GPM6B: variants seen among roughly 807,000 people sequenced by gnomAD.
The protein encoded by GPM6B is glycoprotein M6B, also known as neuronal membrane glycoprotein M6-b.
In GPM6B, 4 loss-of-function variants were observed where a neutral mutation model predicts 27.2. The ratio of observed to expected loss-of-function variants is 0.15; its 90% CI spans 0.07 to 0.34. The LOEUF (loss-of-function observed/expected upper bound fraction) is 0.34, where lower values mean the gene tolerates loss of function less well. Among genes scored for constraint, GPM6B ranks in the 10% least tolerant of loss-of-function variants. The probability of loss-of-function intolerance (pLI) is 1.00; values close to 1 mark genes in which losing one functional copy is unlikely to be tolerated. For synonymous variants in GPM6B, 124 were observed against 103.1 expected (o/e 1.20, Z -1.23); for missense variants, 183 against 261.9 (o/e 0.70, Z 2.08).
At chrX:13,785,100 C>T (rs1463141566) in intron 3 of GPM6B, among the ~76,000 whole-genome samples, 2 of 111,546 alleles carry the variant, frequency 1.8e-5, no homozygotes, top group Non-Finnish European at 3.8e-5. Context: ...CCTTACCATT[C>T]CCAAGTAACA....
At chrX:13,787,464 G>A (rs1459810683) in intron 2 of GPM6B, among the ~76,000 whole-genome samples, 1 of 111,790 alleles carries the variant, frequency 8.9e-6, no homozygotes, top group Non-Finnish European at 1.9e-5. Flanking sequence ...GCTGAGGCAA[G>A]GGAATCGCTT....
At chrX:13,780,622 C>G (rs763275790) in intron 4 of GPM6B, among the ~76,000 whole-genome samples, 34 of 111,886 alleles carry the variant, frequency 3.0e-4, no homozygotes, top group Non-Finnish European at 6.4e-4. Flanking sequence ...TTTCTTTTGT[C>G]TCTAAGATTC....
At chrX:13,911,099 A>C (rs1019168745) in intron 1 of GPM6B, among the ~76,000 whole-genome samples, 2 of 112,438 alleles carry the variant, frequency 1.8e-5, no homozygotes, top group African/African-American at 6.5e-5. Context: ...AGGCCCAGAC[A>C]TTAATTTAGA....
Position 13,890,674 on chromosome X carries a change from G to C in GPM6B, c.-198+47653C>G, listed in dbSNP as rs374621239. ...TGCTGTGGGGAGCTGTTGCACTGTA[G>C]GATGTTTAGTAGCACCCCTGGACTC... On this transcript the variant is annotated intron_variant, in intron 1 of 6. Coordinates refer to the GPM6B transcript ENST00000398361. 2.9e-4 allele frequency among the ~76,000 whole-genome samples: 32 copies of C among 110,896 alleles called. No homozygotes were observed. In the South Asian group the frequency reaches 0.012, roughly 42 times the overall value.
chrX:13,795,173 C>T (rs72614516), intron 2 of GPM6B, among the ~76,000 whole-genome samples: 4,414 of 111,896 alleles, frequency 0.039, 112 homozygotes, highest in East Asian at 0.19. Context: ...AATGTGTCAA[C>T]GTCTGGAAGA....
intron 2 of GPM6B, among the ~76,000 whole-genome samples, chrX:13,795,236 C>A (rs1408000498): frequency 8.9e-6 from 1 of 112,178 alleles, no homozygotes; most frequent in African/African-American, 3.2e-5. Flanking sequence ...GAAAATAATT[C>A]TTGAATATAA....
chrX:13,931,098 C>T (rs1019473918), intron 1 of GPM6B, among the ~76,000 whole-genome samples: 9 of 111,478 alleles, frequency 8.1e-5, no homozygotes, highest in African/African-American at 1.6e-4. Flanking sequence ...ACAGGAGAAT[C>T]GCTTGGACCC....
chrX:13,934,066 G>T (rs1237684927), intron 1 of GPM6B, among the ~76,000 whole-genome samples: 2 of 111,186 alleles, frequency 1.8e-5, no homozygotes, highest in Admixed American at 1.9e-4. Context: ...GCAGATAAGG[G>T]TTTTCTCGGA....
At chrX:13,843,957 T>C (rs1487900811) in intron 1 of GPM6B, among the ~76,000 whole-genome samples, 4 of 111,797 alleles carry the variant, frequency 3.6e-5, no homozygotes, top group Non-Finnish European at 7.5e-5. Flanking sequence ...TATTGTTGCA[T>C]CTAAGAAACC....
At chrX:13,773,977 T>TTTC in intron 7 of GPM6B, 1 of 731,459 alleles carries the variant, frequency 1.4e-6, no homozygotes, top group Non-Finnish European at 1.6e-6. Context: ...TTTTTTTTTT[T>TTTC]TTCCAGAGAA....
intron 1 of GPM6B, among the ~76,000 whole-genome samples, chrX:13,833,550 T>TA (rs755832950): frequency 0.36 from 26,053 of 71,419 alleles, 4,732 homozygotes; most frequent in Non-Finnish European, 0.47. Flanking sequence ...CTCTATCTCT[T>TA]AAAAAAAAAA....
chrX:13,773,469 AAT>A (rs1569177558), intron 7 of GPM6B: 1 of 113,529 alleles, frequency 8.8e-6, no homozygotes, highest in Admixed American at 9.5e-5. Context: ...AAGCATGAAC[AAT>A]GTTTATTTTG....
intron 1 of GPM6B, among the ~76,000 whole-genome samples, chrX:13,832,546 T>C (rs2049450957): frequency 9.0e-6 from 1 of 111,371 alleles, no homozygotes; most frequent in Non-Finnish European, 1.9e-5. Flanking sequence ...CCACGGTTGG[T>C]ATAAAACACA....
chrX:13,938,124 G>C (rs1021034656), intron 1 of GPM6B, among the ~76,000 whole-genome samples: 2 of 110,484 alleles, frequency 1.8e-5, no homozygotes, highest in African/African-American at 6.6e-5. Context: ...GACAGGGAGA[G>C]CGTCCCGGGA....
intron 1 of GPM6B, among the ~76,000 whole-genome samples, chrX:13,823,516 C>T (rs55688257): frequency 0.34 from 34,596 of 102,995 alleles, 5,215 homozygotes; most frequent in Non-Finnish European, 0.47. Context: ...TTCCACTGAA[C>T]CTGGTTTTTT....
At chrX:13,897,779 A>G (rs778489774) in intron 1 of GPM6B, among the ~76,000 whole-genome samples, 1 of 111,900 alleles carries the variant, frequency 8.9e-6, no homozygotes, top group South Asian at 3.8e-4. Context: ...CACCACTCCA[A>G]TAAACAGTGC....
chrX:13,855,608 A>C (rs2049771429), intron 1 of GPM6B, among the ~76,000 whole-genome samples: 1 of 112,275 alleles, frequency 8.9e-6, no homozygotes, highest in African/African-American at 3.2e-5. Flanking sequence ...AATGCTAGCA[A>C]AAAATTTCAA....
At chrX:13,930,868 G>C in intron 1 of GPM6B, among the ~76,000 whole-genome samples, 1 of 111,438 alleles carries the variant, frequency 9.0e-6, no homozygotes, top group Admixed American at 9.5e-5. Flanking sequence ...GGCTTCACTG[G>C]TAAATTCTTG....
chrX:13,816,767 G>C, intron 1 of GPM6B, 77 bp downstream of exon 1: 1 of 1,114,174 alleles, frequency 9.0e-7, no homozygotes, highest in Non-Finnish European at 1.2e-6. Context: ...TTAAAAGAGA[G>C]ACAAAACCCA....
Sources: gnomAD v4.1 joint callset for allele counts (sites outside exome capture counted in the v4.1 genomes callset) on GRCh38, gnomAD v4.1.1 for gene constraint, MANE v1.5 for transcripts, NCBI Gene and HGNC (gene_info 2026-07-23, HGNC 2026-07-21) for gene names.